The following ZNF112 variants were observed in gnomAD, a reference collection of about 807,000 sequenced individuals.
ZNF112 encodes the protein zinc finger protein 112, also known as zinc finger protein 112 (Y14).
In ZNF112, 37 loss-of-function variants were observed where a neutral mutation model predicts 77.7. That is an observed-to-expected ratio of 0.48 (90% CI 0.37 to 0.63). The LOEUF (loss-of-function observed/expected upper bound fraction) is 0.63. ZNF112 is among the 20% of genes least tolerant of loss of function. The pLI is 0.00. For missense variants in ZNF112, 950 were observed against 1,077.4 expected, an observed-to-expected ratio of 0.88 and a Z score of 1.66; for synonymous variants, 333 against 363.6, an observed-to-expected ratio of 0.92 and a Z score of 0.96.
upstream of ZNF112, among the ~76,000 whole-genome samples, chr19:44,360,183 G>A (rs1224967063): frequency 6.6e-6 from 1 of 151,370 alleles, no homozygotes; most frequent in Non-Finnish European, 1.5e-5. Flanking sequence ...TTGAACCTGG[G>A]AGATGGAGAT....
Position 44,329,410 on chromosome 19 carries a change from C to T in ZNF112, c.747G>A (p.Glu249=), listed in dbSNP as rs771098155. 6.8e-6 allele frequency: 11 copies of T among 1,614,048 alleles called. No individual in the cohort carries two copies. Among genetic ancestry groups the T allele is most frequent in the African/African-American group, 1.3e-5 (1 of 75,032 alleles). The part of the protein sequence containing the change: ...LLNQESIQTE[E]KPYPCTGYRK... The stretch of plus-strand genomic sequence containing the variant: ...TATACCCAGTACATGGATAGGGCTT[C>T]TCCTCTGTTTGAATTGACTCCTGAT... Residue 249 remains glutamate, a synonymous_variant, in exon 4 of 4, where the codon GAG becomes GAA. Transcript: ENST00000354340.
At chr19:44,354,904 C>A (rs1290277791) in intron 1 of ZNF112, among the ~76,000 whole-genome samples, 6 of 152,206 alleles carry the variant, frequency 3.9e-5, no homozygotes, top group African/African-American at 1.4e-4. Flanking sequence ...AAGGACCATT[C>A]TGTAAGCTTC....
intron 1 of ZNF112, among the ~76,000 whole-genome samples, chr19:44,344,602 T>G (rs1369647286): frequency 6.6e-6 from 1 of 152,116 alleles, no homozygotes; most frequent in Non-Finnish European, 1.5e-5. Context: ...TCATCCAATA[T>G]TTATGGATTG....
intron 1 of ZNF112, among the ~76,000 whole-genome samples, chr19:44,349,569 T>C (rs1970655898): frequency 6.6e-6 from 1 of 152,028 alleles, no homozygotes; most frequent in African/African-American, 2.4e-5. Flanking sequence ...TCACAATAAA[T>C]GGTCCGAAAA....
chr19:44,353,295 C>G (rs1031075543), intron 1 of ZNF112, among the ~76,000 whole-genome samples: 13 of 151,992 alleles, frequency 8.6e-5, no homozygotes, highest in African/African-American at 3.1e-4. Flanking sequence ...AACCATAAAA[C>G]TTCTAGAACA....
chr19:44,348,075 T>A, intron 1 of ZNF112, among the ~76,000 whole-genome samples: 1 of 152,178 alleles, frequency 6.6e-6, no homozygotes, highest in Admixed American at 6.5e-5. Flanking sequence ...TGAATCATTG[T>A]TCTACCAGAT....
rs1460128523 is a variant in ZNF112, at chr19:44,328,887, G to A, written c.1270C>T (p.Leu424Phe). 6.2e-7 allele frequency: 1 copy of A among 1,613,964 alleles called. No homozygotes were observed. The highest frequency in any genetic ancestry group is 8.5e-7 in the Non-Finnish European group (1 of 1,179,968). The change falls in exon 4 of 4, where the codon CTT becomes TTT. Residue 424 changes from leucine to phenylalanine, a missense_variant. Physicochemically the swap from Leu to Phe is conservative, Grantham distance 22. This residue lies in a region of ZNF112 where 560 missense variants were observed against 557.3 expected (regional missense o/e 1.00). Transcript: ENST00000354340. ...ATATGAACCCTATGCTGAATGTCAAGATTTGAACTACAAATGAAACTCTTT... is the reference window on the plus strand; with the variant it reads ...ATATGAACCCTATGCTGAATGTCAAAATTTGAACTACAAATGAAACTCTTT... ...YGKSFICSSN[L>F]DIQHRVHMEE...
chr19:44,333,430 T>C (rs73555150), intron 3 of ZNF112, among the ~76,000 whole-genome samples: 10,384 of 152,264 alleles, frequency 0.068, 453 homozygotes, highest in African/African-American at 0.12. Context: ...TGCTGACTCC[T>C]TTCTTAACCA....
intron 1 of ZNF112, among the ~76,000 whole-genome samples, chr19:44,353,011 C>T (rs1364389770): frequency 6.6e-6 from 1 of 151,794 alleles, no homozygotes; most frequent in African/African-American, 2.4e-5. Context: ...GGCAAAGGAA[C>T]CAGAATAGCT....
In ZNF112 at chr19:44,326,813, A is replaced by T. The variant is rs1584; in HGVS notation, c.*620T>A. On this transcript the variant is annotated 3_prime_UTR_variant, in exon 4 of 4. Coordinates refer to ENST00000354340, the MANE Select transcript of ZNF112 (RefSeq NM_013380.4). ...AGATGGTATAATGTATAGAGACCAA[A>T]CGTTAAGAAATGCAGCACATCTCTG... 5,191 of 153,060 alleles carry T rather than the reference A, an allele frequency of 0.034. 240 individuals are homozygous for T. Among genetic ancestry groups the T allele is most frequent in the African/African-American group, 0.1 (4,326 of 41,518 alleles). The allele number at this position is 153,060 out of a possible 1,614,324, so 9.5% of individuals were successfully genotyped here. A position where few individuals can be genotyped will look rare whatever the true frequency, so the allele number is the denominator to read the frequency against.
chr19:44,351,931 C>G (rs1970699900), intron 1 of ZNF112, among the ~76,000 whole-genome samples: 1 of 151,824 alleles, frequency 6.6e-6, no homozygotes, highest in African/African-American at 2.4e-5. Flanking sequence ...TTCAAAGACA[C>G]AAAACACAAA....
At chr19:44,337,998 G>T (rs965009333) in intron 2 of ZNF112, among the ~76,000 whole-genome samples, 2 of 111,912 alleles carry the variant, frequency 1.8e-5, no homozygotes, top group African/African-American at 3.3e-5. Context: ...AAAAAAAAAA[G>T]ATAATTCCAG....
exon 1 of ZNF112, chr19:44,367,093 C>G (rs1568682841): frequency 2.2e-6 from 1 of 456,094 alleles, no homozygotes; most frequent in Non-Finnish European, 4.4e-6. Context: ...GGGGCCCAAC[C>G]CCATCTTCCA....
At chr19:44,330,028 G>T (rs955463480) in intron 3 of ZNF112, 92 bp from the exon 4 acceptor site, 13 of 958,522 alleles carry the variant, frequency 1.4e-5, no homozygotes, top group Middle Eastern at 3.1e-4. Context: ...CATGAAACTT[G>T]AATGAACCAG....
rs531646613 is a variant in ZNF112, at chr19:44,343,413, C to T, written c.-3-2871G>A. ...TCCCCCAGCAGATGTGGCCACACAC[C>T]GGCGTTAAGGAGCAGGTAGCATGGG... On this transcript the variant is annotated intron_variant, in intron 1 of 3. Coordinates refer to ENST00000354340, the MANE Select transcript of ZNF112 (RefSeq NM_013380.4). The T allele has an allele frequency of 4.7e-5, 40 of 855,792 alleles. No individual in the cohort carries two copies. In the East Asian group the frequency reaches 7.9e-4, roughly 17 times the overall value. The allele number at this position is 855,792 out of a possible 1,614,324, so 53.0% of individuals were successfully genotyped here.
Position 44,329,092 on chromosome 19 carries a change from G to C in ZNF112, c.1065C>G (p.His355Gln). The change falls in exon 4 of 4, where the codon CAC (histidine) becomes CAG (glutamine). Residue 355 changes from histidine (H) to glutamine (Q), a missense_variant. Physicochemically the swap from His to Gln is conservative, Grantham distance 24. Coordinates refer to ENST00000354340, the MANE Select transcript of ZNF112 (RefSeq NM_013380.4). The part of the protein sequence containing the change: ...LIHTGEMSYR[H>Q]NIYEKAFSHS... ...GACTGAAGGCTTTCTCATAAATGTT[G>C]TGCCTATAGGACATCTCACCTGTGT... 8 of 1,613,850 alleles carry C rather than the reference G, an allele frequency of 5.0e-6. No individual in the cohort carries two copies. The highest frequency in any genetic ancestry group is 6.8e-6 in the Non-Finnish European group (8 of 1,179,964).
At chr19:44,360,697 A>G (rs565980740), upstream of ZNF112, among the ~76,000 whole-genome samples, 13 of 152,320 alleles carry the variant, frequency 8.5e-5, no homozygotes, top group African/African-American at 2.9e-4. Context: ...CTGCAGCAAC[A>G]TGGGAACAGG....
rs759440414 is a variant in ZNF112, at chr19:44,329,233, C to G, written c.924G>C (p.Glu308Asp). ...HQNIEREDDI[E>D]NSHLKSYQRV... ...TCTGATAGGATTTCAGATGTGAATT[C>G]TCAATATCATCTTCTCTCTCAATAT... The change falls in exon 4 of 4, where the codon GAG (glutamate) becomes GAC (aspartate). Residue 308 changes from glutamate (E) to aspartate (D), a missense_variant. By Grantham distance (45) the Glu-to-Asp change is conservative. Around this residue, in one of 3 missense-constraint regions of ZNF112, gnomAD observed 560 missense variants for 557.3 expected, o/e 1.00. Transcript: ENST00000354340. 13 of 1,613,738 alleles carry G rather than the reference C, an allele frequency of 8.1e-6. No homozygotes were observed. The Admixed American group carries it at 1.7e-4, about 21-fold the overall frequency.
upstream of ZNF112, among the ~76,000 whole-genome samples, chr19:44,359,683 C>A (rs1266778392): frequency 6.6e-6 from 1 of 152,090 alleles, no homozygotes; most frequent in Non-Finnish European, 1.5e-5. Flanking sequence ...GCTAATTTTT[C>A]TTTTCAAATA....
Sources: gnomAD v4.1 joint callset for allele counts (sites outside exome capture counted in the v4.1 genomes callset) on GRCh38, gnomAD v4.1.1 for gene constraint, gnomAD v4.1.1 regional missense constraint, MANE v1.5 for transcripts, NCBI Gene and HGNC (gene_info 2026-07-23, HGNC 2026-07-21) for gene names.